CYTH3: variants seen among roughly 807,000 people sequenced by gnomAD.
The protein encoded by CYTH3 is cytohesin 3.
Under a neutral mutation model 55.1 loss-of-function variants are expected in CYTH3, and 23 were observed. That is an observed-to-expected ratio of 0.42 (90% CI 0.30 to 0.59). CYTH3 has a LOEUF of 0.59. Ranked by LOEUF, CYTH3 falls within the 20% of genes least tolerant of loss-of-function variation. The probability of loss-of-function intolerance (pLI) is 0.20; values close to 1 mark genes in which losing one functional copy is unlikely to be tolerated. For missense variants in CYTH3, 413 were observed against 524.8 expected, an observed-to-expected ratio of 0.79 and a Z score of 2.08; for synonymous variants, 249 against 194.9, an observed-to-expected ratio of 1.28 and a Z score of -2.31.
chr7:6,237,261 C>T (rs997276402), intron 1 of CYTH3, among the ~76,000 whole-genome samples: 15 of 152,328 alleles, frequency 9.8e-5, no homozygotes, highest in Admixed American at 9.2e-4. Flanking sequence ...CCGCAGGGAA[C>T]ACAGTTGCCT....
At chr7:6,184,871 C>G (rs922441332) in intron 4 of CYTH3, among the ~76,000 whole-genome samples, 1 of 152,192 alleles carries the variant, frequency 6.6e-6, no homozygotes, top group African/African-American at 2.4e-5. Context: ...AGCCACCGCA[C>G]CAGGACTCAG....
intron 1 of CYTH3, among the ~76,000 whole-genome samples, chr7:6,248,700 C>T (rs959270819): frequency 6.6e-5 from 10 of 152,256 alleles, no homozygotes; most frequent in African/African-American, 2.4e-4. Context: ...TCGCTCTCTG[C>T]TCTCCCAAAT....
At chr7:6,259,781 TATAATATATATATA>T (rs1780265716) in intron 1 of CYTH3, among the ~76,000 whole-genome samples, 1 of 19,122 alleles carries the variant, frequency 5.2e-5, no homozygotes, top group Non-Finnish European at 6.7e-5. Flanking sequence ...ATTATATATA[TATAATATATATATA>T]TATATATATA....
chr7:6,200,668 T>C (rs886124674), intron 1 of CYTH3, among the ~76,000 whole-genome samples: 2 of 152,190 alleles, frequency 1.3e-5, no homozygotes, highest in Admixed American at 6.5e-5. Flanking sequence ...CTAGTCCCAG[T>C]TAATCCACTA....
intron 1 of CYTH3, among the ~76,000 whole-genome samples, chr7:6,206,901 C>G (rs1000821315): frequency 6.6e-6 from 1 of 151,916 alleles, no homozygotes; most frequent in Non-Finnish European, 1.5e-5. Context: ...ACGGGGGAGA[C>G]GATTTTTTTC....
intron 1 of CYTH3, among the ~76,000 whole-genome samples, chr7:6,244,193 G>T (rs980615099): frequency 5.3e-5 from 8 of 152,096 alleles, no homozygotes; most frequent in Non-Finnish European, 8.8e-5. Flanking sequence ...TGGCAGAAAA[G>T]AATGTTACCA....
At chr7:6,254,417 C>T (rs556531338) in intron 1 of CYTH3, among the ~76,000 whole-genome samples, 13 of 152,264 alleles carry the variant, frequency 8.5e-5, no homozygotes, top group African/African-American at 2.9e-4. Context: ...CCTTAGAAGA[C>T]GAGTGCTAAA....
intron 5 of CYTH3, among the ~76,000 whole-genome samples, chr7:6,177,005 A>G (rs1353060383): frequency 6.6e-6 from 1 of 152,264 alleles, no homozygotes. Context: ...TGAAAGATAC[A>G]TTACTTTAAT....
intron 4 of CYTH3, among the ~76,000 whole-genome samples, chr7:6,180,948 T>C (rs1282894432): frequency 6.6e-6 from 1 of 152,220 alleles, no homozygotes; most frequent in Non-Finnish European, 1.5e-5. Context: ...TAGCACTTAC[T>C]CCTGACCCCT....
chr7:6,226,465 G>C (rs926648628), intron 1 of CYTH3, among the ~76,000 whole-genome samples: 3 of 152,166 alleles, frequency 2.0e-5, no homozygotes, highest in Non-Finnish European at 2.9e-5. Flanking sequence ...ATTTTAGGGC[G>C]AGGCAGGCAA....
At chr7:6,241,850 T>A (rs1311433254) in intron 1 of CYTH3, among the ~76,000 whole-genome samples, 1 of 152,110 alleles carries the variant, frequency 6.6e-6, no homozygotes, top group East Asian at 1.9e-4. Context: ...AGCGAAATGA[T>A]CTCCAGATAT....
chr7:6,272,552 A>C lies in CYTH3; in HGVS notation c.-45T>G. 8.4e-7 allele frequency: 1 copy of C among 1,190,564 alleles called. No individual in the cohort carries two copies. The allele number at this position is 1,190,564 out of a possible 1,614,324, so 73.8% of individuals were successfully genotyped here. On this transcript the variant is annotated 5_prime_UTR_variant, in exon 1 of 13. Transcript: ENST00000350796. ...CCGGCGAGCCGGGGGCCGGCAGCAGAGGGGCCGCGGGCTGGGGACGCCGCC... is the reference window on the plus strand; with the variant it reads ...CCGGCGAGCCGGGGGCCGGCAGCAGCGGGGCCGCGGGCTGGGGACGCCGCC...
At chr7:6,217,710 T>C (rs1214307622) in intron 1 of CYTH3, among the ~76,000 whole-genome samples, 3 of 152,160 alleles carry the variant, frequency 2.0e-5, no homozygotes, top group South Asian at 2.1e-4. Context: ...AGAAAGATTA[T>C]AGAACACTCC....
intron 1 of CYTH3, among the ~76,000 whole-genome samples, chr7:6,233,196 A>G (rs766273292): frequency 6.6e-6 from 1 of 152,190 alleles, no homozygotes; most frequent in Non-Finnish European, 1.5e-5. Flanking sequence ...ACTCAATGCC[A>G]GCTAGACATC....
chr7:6,179,393 A>G (rs1448590676), intron 4 of CYTH3, among the ~76,000 whole-genome samples: 1 of 152,100 alleles, frequency 6.6e-6, no homozygotes, highest in Non-Finnish European at 1.5e-5. Context: ...ATATTCTACA[A>G]CTGCGGCTTG....
At chr7:6,198,695 A>T (rs1166430488) in intron 1 of CYTH3, among the ~76,000 whole-genome samples, 1 of 152,138 alleles carries the variant, frequency 6.6e-6, no homozygotes, top group African/African-American at 2.4e-5. Flanking sequence ...ATAAAGTAAT[A>T]TATGGATATG....
intron 1 of CYTH3, among the ~76,000 whole-genome samples, chr7:6,242,375 ATTTTTTT>A (rs10525625): frequency 1.8e-4 from 19 of 105,788 alleles, no homozygotes; most frequent in African/African-American, 5.9e-4. Flanking sequence ...CGCGCCTGGC[ATTTTTTT>A]TTTTTTTTTT....
chr7:6,253,217 T>A (rs953113917), intron 1 of CYTH3, among the ~76,000 whole-genome samples: 1 of 79,978 alleles, frequency 1.3e-5, no homozygotes, highest in Non-Finnish European at 2.2e-5. Context: ...ACGAAAACAA[T>A]TTTTTTTTTT....
intron 1 of CYTH3, among the ~76,000 whole-genome samples, chr7:6,215,280 G>T (rs933291765): frequency 6.6e-6 from 1 of 152,170 alleles, no homozygotes; most frequent in Admixed American, 6.5e-5. Context: ...AAAACGTACA[G>T]ATAATTTCCC....
Sources: gnomAD v4.1 joint callset for allele counts (sites outside exome capture counted in the v4.1 genomes callset) on GRCh38, gnomAD v4.1.1 for gene constraint, MANE v1.5 for transcripts, NCBI Gene and HGNC (gene_info 2026-07-23, HGNC 2026-07-21) for gene names.